ADGRL3: variants seen among roughly 807,000 people sequenced by gnomAD.
The protein encoded by ADGRL3 is calcium-independent alpha-latrotoxin receptor 3.
In ADGRL3, 62 loss-of-function variants were observed where a neutral mutation model predicts 153.5. The ratio of observed to expected loss-of-function variants is 0.40; its 90% confidence interval spans 0.33 to 0.50. ADGRL3 has a LOEUF of 0.50. Ranked by LOEUF, ADGRL3 falls within the 20% of genes least tolerant of loss-of-function variation. The pLI is 0.47. For missense variants in ADGRL3, 1,641 were observed against 1,859.4 expected (o/e 0.88, Z 2.16); for synonymous variants, 710 against 672.5 (o/e 1.06, Z -0.86).
At chr4:61,309,541 AATAAATTATCT>A (rs1175682242) in intron 1 of ADGRL3, among the ~76,000 whole-genome samples, 2 of 152,066 alleles carry the variant, frequency 1.3e-5, no homozygotes, top group East Asian at 3.9e-4. Context: ...CAACTTTCCT[AATAAATTATCT>A]ATAGTATAGT....
At chr4:61,985,633 A>G (rs2099082457) in intron 19 of ADGRL3, among the ~76,000 whole-genome samples, 1 of 152,192 alleles carries the variant, frequency 6.6e-6, no homozygotes, top group East Asian at 1.9e-4. Context: ...GAGGATTCAT[A>G]AAAAGGGAAC....
At position 61,947,134 on chromosome 4, in the gene ADGRL3, G is replaced by A. The variant is rs770399661; in HGVS notation, c.2628+12G>A. ...TTAAACATATCAAGGTAAGAAAATG[G>A]CATATTAGCTTGGTTGTTCATATTA... On this transcript the variant is annotated intron_variant, in intron 16 of 26. Coordinates refer to ENST00000683033, the MANE Select transcript of ADGRL3 (RefSeq NM_001387552.1). 13 of 1,596,680 alleles carry A rather than the reference G, an allele frequency of 8.1e-6. No individual in the cohort carries two copies. Among genetic ancestry groups the A allele is most frequent in the Non-Finnish European group, 1.1e-5 (13 of 1,164,586 alleles).
At chr4:61,856,145 A>T (rs2098261272) in intron 9 of ADGRL3, among the ~76,000 whole-genome samples, 1 of 152,098 alleles carries the variant, frequency 6.6e-6, no homozygotes, top group Non-Finnish European at 1.5e-5. Context: ...AGGTGGGAGG[A>T]TCACTTGAAT....
chr4:61,877,024 A>G (rs189968991), intron 9 of ADGRL3, among the ~76,000 whole-genome samples: 1 of 152,242 alleles, frequency 6.6e-6, no homozygotes, highest in Non-Finnish European at 1.5e-5. Context: ...AAAGGTGAGG[A>G]GCTCAAGTGG....
chr4:61,658,358 C>A (rs1464093078), intron 5 of ADGRL3, among the ~76,000 whole-genome samples: 2 of 152,140 alleles, frequency 1.3e-5, no homozygotes, highest in African/African-American at 4.8e-5. Context: ...TTGCTTATAA[C>A]ATATTCTGTG....
At chr4:61,829,096 A>G (rs1384788742) in intron 9 of ADGRL3, among the ~76,000 whole-genome samples, 1 of 152,128 alleles carries the variant, frequency 6.6e-6, no homozygotes, top group African/African-American at 2.4e-5. Context: ...CTATTTTGAC[A>G]TTTCTTCTGG....
chr4:61,697,136 T>A (rs554971393), intron 6 of ADGRL3, among the ~76,000 whole-genome samples: 1 of 152,150 alleles, frequency 6.6e-6, no homozygotes, highest in African/African-American at 2.4e-5. Context: ...CCTTAAAAAA[T>A]TTATCACCAA....
Position 62,042,132 on chromosome 4 carries a change from A to G in ADGRL3, c.3718-2321A>G, listed in dbSNP as rs142811771. On this transcript the variant is annotated intron_variant, in intron 24 of 26. Transcript: ENST00000683033. ...ACACATGCACATATATAATATACATACACTATGTATGTATATGCCAAGTAT... is the reference window on the plus strand; with the variant it reads ...ACACATGCACATATATAATATACATGCACTATGTATGTATATGCCAAGTAT... Among the ~76,000 whole-genome samples, 281 of 152,226 alleles carry G rather than the reference A, an allele frequency of 1.8e-3. 1 individual carries two copies. Among genetic ancestry groups the G allele is most frequent in the South Asian group, 4.1e-3 (20 of 4,832 alleles).
intron 9 of ADGRL3, among the ~76,000 whole-genome samples, chr4:61,850,210 T>C (rs1182494538): frequency 1.3e-5 from 2 of 152,126 alleles, no homozygotes; most frequent in Non-Finnish European, 2.9e-5. Context: ...TTATGCTACT[T>C]ATCTCCTTTT....
At chr4:61,744,882 T>A (rs1468091691) in intron 8 of ADGRL3, among the ~76,000 whole-genome samples, 1 of 152,112 alleles carries the variant, frequency 6.6e-6, no homozygotes, top group Non-Finnish European at 1.5e-5. Flanking sequence ...TTTGATGAGT[T>A]GAGAGAAGAA....
chr4:61,453,783 A>G (rs1223481143), intron 2 of ADGRL3, among the ~76,000 whole-genome samples: 1 of 152,080 alleles, frequency 6.6e-6, no homozygotes, highest in Non-Finnish European at 1.5e-5. Context: ...TTCTTACATA[A>G]AAGACAAAGT....
At chr4:61,317,088 T>A (rs535251686) in intron 1 of ADGRL3, among the ~76,000 whole-genome samples, 1 of 152,244 alleles carries the variant, frequency 6.6e-6, no homozygotes, top group East Asian at 1.9e-4. Flanking sequence ...AAGAGAGGAG[T>A]AAACCTTGAA....
At chr4:61,574,136 T>C (rs1432989176) in intron 4 of ADGRL3, among the ~76,000 whole-genome samples, 1 of 151,946 alleles carries the variant, frequency 6.6e-6, no homozygotes, top group Non-Finnish European at 1.5e-5. Flanking sequence ...CGGCTTCAAC[T>C]CAAACTAAGA....
chr4:61,456,442 TATATCTATATCTATATATATAG>T (rs2152550855), intron 2 of ADGRL3, among the ~76,000 whole-genome samples: 1 of 124,654 alleles, frequency 8.0e-6, no homozygotes, highest in South Asian at 2.5e-4. Context: ...TATATATAGA[TATATCTATATCTATATATATAG>T]ATATATCTAT....
chr4:61,371,810 A>T (rs998447331), intron 1 of ADGRL3, among the ~76,000 whole-genome samples: 8 of 152,098 alleles, frequency 5.3e-5, no homozygotes, highest in African/African-American at 1.7e-4. Context: ...CTCCTGGATA[A>T]TATCCTGCAG....
intron 11 of ADGRL3, among the ~76,000 whole-genome samples, chr4:61,907,237 G>A (rs962814011): frequency 1.3e-4 from 20 of 151,908 alleles, no homozygotes; most frequent in Admixed American, 3.9e-4. Context: ...TAAAATGCTT[G>A]TATATATTTT....
At chr4:61,345,948 G>A (rs111698256) in intron 1 of ADGRL3, among the ~76,000 whole-genome samples, 1 of 152,240 alleles carries the variant, frequency 6.6e-6, no homozygotes, top group East Asian at 1.9e-4. Flanking sequence ...ACGTGGGTTA[G>A]GACCAGCTCA....
chr4:61,483,699 T>G (rs1183963622), intron 2 of ADGRL3, among the ~76,000 whole-genome samples: 1 of 152,088 alleles, frequency 6.6e-6, no homozygotes, highest in Non-Finnish European at 1.5e-5. Flanking sequence ...ATCATGCCAC[T>G]GCACTCCAGC....
At chr4:61,987,139 ATTTTATTTTATTTATTTTAT>A (rs2099088562) in intron 19 of ADGRL3, among the ~76,000 whole-genome samples, 2 of 69,710 alleles carry the variant, frequency 2.9e-5, no homozygotes, top group African/African-American at 3.9e-5. Flanking sequence ...ATTTTATTTT[ATTTTATTTTATTTATTTTAT>A]TTTATTTTAT....
Sources: allele counts gnomAD v4.1 joint callset (sites outside exome capture counted in the v4.1 genomes callset), GRCh38; gene constraint gnomAD v4.1.1; transcripts MANE v1.5; gene names NCBI Gene and HGNC (gene_info 2026-07-23, HGNC 2026-07-21).